The following GRM8 variants were observed in gnomAD, a reference collection of about 807,000 sequenced individuals.
GRM8 encodes the protein metabotropic glutamate receptor 8.
In GRM8, 47 loss-of-function variants were observed where a neutral mutation model predicts 87.2. The observed-to-expected ratio is 0.54, with a 90% CI of 0.43 to 0.69. The LOEUF (loss-of-function observed/expected upper bound fraction) is 0.69. GRM8 is among the 30% of genes least tolerant of loss of function. The pLI is 0.00. For synonymous variants in GRM8, 396 were observed against 404.5 expected (o/e 0.98, Z 0.25); for missense variants, 1,019 against 1,139.2 (o/e 0.89, Z 1.52).
At chr7:126,837,704 C>T (rs968876044) in intron 6 of GRM8, among the ~76,000 whole-genome samples, 4 of 152,208 alleles carry the variant, frequency 2.6e-5, no homozygotes, top group East Asian at 1.9e-4. Flanking sequence ...ACTGGCCTAA[C>T]GGGCCTGGAC....
At chr7:126,496,279 G>A (rs1808718307) in intron 9 of GRM8, among the ~76,000 whole-genome samples, 1 of 151,830 alleles carries the variant, frequency 6.6e-6, no homozygotes, top group African/African-American at 2.4e-5. Context: ...GAAGGAGGTA[G>A]GAGGGAAGGA....
In GRM8 at chr7:126,460,793, C is replaced by A. The variant is rs141798526; in HGVS notation, c.2431-14421G>T. Among the ~76,000 whole-genome samples, 332 of 151,698 alleles carry A rather than the reference C, an allele frequency of 2.2e-3. 1 individual carries two copies. Among genetic ancestry groups the A allele is most frequent in the African/African-American group, 7.7e-3 (320 of 41,486 alleles). ...AACTAGCCCGAAGTCCCTCCCACAA[C>A]AGTTTGAGACAGCTTCTAGGACCAT... On this transcript the variant is annotated intron_variant, in intron 9 of 10. Coordinates refer to ENST00000339582, the MANE Select transcript of GRM8 (RefSeq NM_000845.3).
intron 9 of GRM8, among the ~76,000 whole-genome samples, chr7:126,503,730 A>T (rs1264181580): frequency 6.6e-6 from 1 of 152,064 alleles, no homozygotes; most frequent in East Asian, 1.9e-4. Context: ...ACCAAATAGC[A>T]GTGTGTATTA....
At chr7:127,223,439 A>ACG (rs1370233330) in intron 2 of GRM8, among the ~76,000 whole-genome samples, 1 of 78,044 alleles carries the variant, frequency 1.3e-5, no homozygotes, top group Non-Finnish European at 2.4e-5. Context: ...CCACACACAC[A>ACG]CACGCACACA....
chr7:126,656,742 G>GC (rs1804573842), intron 7 of GRM8, among the ~76,000 whole-genome samples: 2 of 100,736 alleles, frequency 2.0e-5, no homozygotes, highest in Admixed American at 2.1e-4. Flanking sequence ...AGAGTTAACA[G>GC]TTGGACAGAG....
At chr7:126,534,487 T>C (rs1815368244) in intron 8 of GRM8, among the ~76,000 whole-genome samples, 1 of 152,242 alleles carries the variant, frequency 6.6e-6, no homozygotes, top group African/African-American at 2.4e-5. Context: ...TGCATTTCCA[T>C]GTTGTGCAAA....
chr7:127,186,103 A>G (rs1794722767), intron 2 of GRM8, among the ~76,000 whole-genome samples: 1 of 152,222 alleles, frequency 6.6e-6, no homozygotes, highest in Non-Finnish European at 1.5e-5. Flanking sequence ...GGTGATGTGG[A>G]GAACAGAGAC....
At chr7:126,891,981 A>G (rs1262614351) in intron 6 of GRM8, among the ~76,000 whole-genome samples, 6 of 150,896 alleles carry the variant, frequency 4.0e-5, no homozygotes, top group African/African-American at 1.5e-4. Flanking sequence ...TGTGAATGAA[A>G]CAAAATCTCT....
chr7:126,654,754 G>C (rs1223332298), intron 7 of GRM8, among the ~76,000 whole-genome samples: 1 of 152,022 alleles, frequency 6.6e-6, no homozygotes, highest in South Asian at 2.1e-4. Flanking sequence ...ACAATTTTAG[G>C]TTTAACAGTC....
At chr7:127,177,293 C>T (rs913867187) in intron 2 of GRM8, among the ~76,000 whole-genome samples, 1 of 152,212 alleles carries the variant, frequency 6.6e-6, no homozygotes, top group Non-Finnish European at 1.5e-5. Context: ...AGGTACACAA[C>T]TCCAGTGACC....
chr7:126,827,554 A>G (rs934811777), intron 6 of GRM8, among the ~76,000 whole-genome samples: 1 of 152,138 alleles, frequency 6.6e-6, no homozygotes, highest in Non-Finnish European at 1.5e-5. Context: ...TGATTTTTGT[A>G]CTTTGATTTT....
intron 7 of GRM8, among the ~76,000 whole-genome samples, chr7:126,741,175 A>G (rs895186309): frequency 6.6e-6 from 1 of 152,036 alleles, no homozygotes; most frequent in Non-Finnish European, 1.5e-5. Flanking sequence ...CTTTTAGAAA[A>G]TAGATTACTG....
chr7:127,180,005 A>G (rs1434765565), intron 2 of GRM8, among the ~76,000 whole-genome samples: 1 of 152,106 alleles, frequency 6.6e-6, no homozygotes, highest in Non-Finnish European at 1.5e-5. Context: ...ATGAAAGATC[A>G]GAGCAGAACT....
chr7:126,886,547 G>C lies in GRM8; in HGVS notation c.1156+15995C>G, dbSNP rs549663993. Among the ~76,000 whole-genome samples the C allele has an allele frequency of 1.6e-4, 25 of 152,138 alleles. No individual in the cohort carries two copies. The South Asian group carries it at 5.0e-3, about 30-fold the overall frequency. ...AAGAAGACAAAAGAAGAGGGAAGGA[G>C]CTAATAACAAAATCCATAGAAAACA... On this transcript the variant is annotated intron_variant, in intron 6 of 10. Transcript: ENST00000339582.
chr7:127,015,020 AAG>A (rs1245280809), intron 3 of GRM8, among the ~76,000 whole-genome samples: 5 of 108,918 alleles, frequency 4.6e-5, no homozygotes, highest in African/African-American at 1.4e-4. Flanking sequence ...GAAGAAGAAG[AAG>A]AAGAAGAAGA....
rs78841686 is a variant in GRM8, at chr7:126,980,881, A to T, written c.728-76198T>A. 433 of 152,332 alleles carry T rather than the reference A, an allele frequency of 2.8e-3. 5 individuals carry two copies. Among genetic ancestry groups the T allele is most frequent in the African/African-American group, 0.01 (416 of 41,558 alleles). 9.4% of individuals were successfully genotyped at this position (152,332 alleles called of 1,614,324 possible). A position where few individuals can be genotyped will look rare whatever the true frequency, so the allele number is the denominator to read the frequency against. On this transcript the variant is annotated intron_variant, in intron 3 of 10. Transcript: ENST00000339582. ...ACACTAAATCACAACTACTTTAAAA[A>T]CTACTTTTAAAAGTGCCAGTCATTG...
intron 9 of GRM8, among the ~76,000 whole-genome samples, chr7:126,496,198 CAG>C (rs1329598887): frequency 6.7e-6 from 1 of 148,288 alleles, no homozygotes; most frequent in Non-Finnish European, 1.5e-5. Flanking sequence ...AAGGAAAGGA[CAG>C]AGAGAAAGGG....
chr7:126,879,093 G>A (rs1275669372), intron 6 of GRM8, among the ~76,000 whole-genome samples: 1 of 150,844 alleles, frequency 6.6e-6, no homozygotes, highest in East Asian at 2.0e-4. Flanking sequence ...AACTCAGAAG[G>A]TGGAGGTTGC....
intron 3 of GRM8, among the ~76,000 whole-genome samples, chr7:127,039,185 T>C (rs980470251): frequency 6.6e-6 from 1 of 152,192 alleles, no homozygotes. Flanking sequence ...CAACCTCCAG[T>C]AGCTCAGAAT....
Sources: allele counts gnomAD v4.1 joint callset (sites outside exome capture counted in the v4.1 genomes callset), GRCh38; gene constraint gnomAD v4.1.1; transcripts MANE v1.5; gene names NCBI Gene and HGNC (gene_info 2026-07-23, HGNC 2026-07-21).